The following TINAG variants were observed in gnomAD, a reference collection of about 807,000 sequenced individuals.
The protein encoded by TINAG is tubulointerstitial nephritis antigen.
Under a neutral mutation model 72.7 loss-of-function variants are expected in TINAG, and 83 were observed. The observed-to-expected ratio is 1.14, with a 90% CI of 0.96 to 1.37. The LOEUF (loss-of-function observed/expected upper bound fraction) is 1.37, where lower values mean the gene tolerates loss of function less well. TINAG is among the 40% of genes most tolerant of loss of function. TINAG has a pLI of 0.00. For missense variants in TINAG, 685 were observed against 576.6 expected, an observed-to-expected ratio of 1.19 and a Z score of -1.93; for synonymous variants, 234 against 189.9, an observed-to-expected ratio of 1.23 and a Z score of -1.91.
At chr6:54,327,977 A>G (rs997192797) in intron 4 of TINAG, among the ~76,000 whole-genome samples, 1 of 152,158 alleles carries the variant, frequency 6.6e-6, no homozygotes, top group Non-Finnish European at 1.5e-5. Flanking sequence ...TCAGTGGCTT[A>G]TAGATAAAAC....
At chr6:54,378,154 A>G (rs1410880882) in intron 9 of TINAG, among the ~76,000 whole-genome samples, 4 of 152,160 alleles carry the variant, frequency 2.6e-5, no homozygotes, top group Non-Finnish European at 5.9e-5. Flanking sequence ...ACTGCACAAT[A>G]GCTTCTGTGG....
intron 4 of TINAG, among the ~76,000 whole-genome samples, chr6:54,330,979 C>T (rs927063112): frequency 7.9e-5 from 12 of 151,936 alleles, no homozygotes; most frequent in Admixed American, 1.3e-4. Context: ...GCCTACCAAC[C>T]AAAAAAGTCT....
intron 5 of TINAG, among the ~76,000 whole-genome samples, chr6:54,346,820 C>A (rs6934991): frequency 0.075 from 11,328 of 151,868 alleles, 1,036 homozygotes; most frequent in African/African-American, 0.21. Context: ...TAAGTATGGT[C>A]TCCTGGGTAG....
chr6:54,366,772 T>A (rs1244421955), intron 9 of TINAG, among the ~76,000 whole-genome samples: 1 of 151,556 alleles, frequency 6.6e-6, no homozygotes, highest in Non-Finnish European at 1.5e-5. Flanking sequence ...TGACACCTAC[T>A]GTGGAATGTA....
At position 54,324,876 on chromosome 6, in the gene TINAG, C is replaced by T. The variant is rs1424635127; in HGVS notation, c.510-1926C>T. Among the ~76,000 whole-genome samples the T allele has an allele frequency of 5.3e-5, 8 of 152,284 alleles. No homozygotes were observed. In the East Asian group the frequency reaches 1.5e-3, roughly 29 times the overall value. ...CTGTTTCCAGAAATTCTCAATGGTA[C>T]TCCATTGCTTGTGAAACATAAGTAT... is the stretch of plus-strand genomic sequence containing the variant. On this transcript the variant is annotated intron_variant, in intron 3 of 10. Coordinates refer to ENST00000259782, the MANE Select transcript of TINAG (RefSeq NM_014464.4).
chr6:54,339,082 T>C (rs768901788), intron 4 of TINAG, among the ~76,000 whole-genome samples: 2 of 152,212 alleles, frequency 1.3e-5, no homozygotes, highest in Non-Finnish European at 2.9e-5. Flanking sequence ...GAAATTGAGA[T>C]GCTTTCTTAC....
chr6:54,358,582 G>A (rs1483085322), intron 9 of TINAG, among the ~76,000 whole-genome samples: 3 of 151,430 alleles, frequency 2.0e-5, no homozygotes, highest in Admixed American at 2.0e-4. Flanking sequence ...AGATAGCTGA[G>A]GCACTCTTCA....
intron 10 of TINAG, among the ~76,000 whole-genome samples, chr6:54,382,171 T>G (rs1763971780): frequency 6.6e-6 from 1 of 152,110 alleles, no homozygotes; most frequent in Non-Finnish European, 1.5e-5. Flanking sequence ...TTCATGAGGC[T>G]AGGGGTAAGA....
intron 4 of TINAG, among the ~76,000 whole-genome samples, chr6:54,334,829 A>C (rs1784822602): frequency 6.6e-6 from 1 of 152,212 alleles, no homozygotes; most frequent in East Asian, 1.9e-4. Context: ...TAATCTCTCA[A>C]CCAAAGCTAA....
At chr6:54,335,824 T>A (rs1784852889) in intron 4 of TINAG, among the ~76,000 whole-genome samples, 1 of 152,138 alleles carries the variant, frequency 6.6e-6, no homozygotes, top group Non-Finnish European at 1.5e-5. Flanking sequence ...TTTTAAAAAA[T>A]CATTTTCAAT....
intron 4 of TINAG, among the ~76,000 whole-genome samples, chr6:54,338,106 T>C (rs1784910222): frequency 6.6e-6 from 1 of 152,196 alleles, no homozygotes; most frequent in Non-Finnish European, 1.5e-5. Context: ...CTTATTCACC[T>C]ACACTTTTAG....
intron 4 of TINAG, among the ~76,000 whole-genome samples, chr6:54,338,427 A>C (rs1204901007): frequency 1.3e-5 from 2 of 152,148 alleles, no homozygotes; most frequent in Non-Finnish European, 2.9e-5. Flanking sequence ...TATGTTCCAT[A>C]AAACACTAGT....
Position 54,390,123 on chromosome 6 carries a change from C to G in TINAG, c.*198C>G, listed in dbSNP as rs1319783049. 4 of 649,278 alleles carry G rather than the reference C, an allele frequency of 6.2e-6. No homozygotes were observed. Among genetic ancestry groups the G allele is most frequent in the Non-Finnish European group, 9.6e-6 (4 of 416,682 alleles). 40.2% of individuals were successfully genotyped at this position (649,278 alleles called of 1,614,324 possible). On this transcript the variant is annotated 3_prime_UTR_variant, in exon 11 of 11. Transcript: ENST00000259782. ...GAGCATTAACAACACCAATAAAGGA[C>G]AGCAGAGTCCCTAAATGTCTTTAAA...
intron 3 of TINAG, among the ~76,000 whole-genome samples, chr6:54,326,449 A>G (rs552252722): frequency 2.0e-5 from 3 of 152,056 alleles, no homozygotes; most frequent in Non-Finnish European, 2.9e-5. Flanking sequence ...TATTTAATGT[A>G]TAAGTGCATT....
chr6:54,364,563 A>G (rs984985331), intron 9 of TINAG, among the ~76,000 whole-genome samples: 20 of 151,392 alleles, frequency 1.3e-4, no homozygotes, highest in African/African-American at 3.9e-4. Flanking sequence ...TTCTGATCTC[A>G]GTGATTTTAG....
chr6:54,327,937 G>T (rs892990282), intron 4 of TINAG, among the ~76,000 whole-genome samples: 1 of 152,148 alleles, frequency 6.6e-6, no homozygotes, highest in Non-Finnish European at 1.5e-5. Flanking sequence ...TCTGGGCAGG[G>T]CATCTTTGAA....
chr6:54,308,427 G>A, upstream of TINAG: 1 of 750,248 alleles, frequency 1.3e-6, no homozygotes, highest in Non-Finnish European at 2.1e-6. Context: ...TTCAAGTAAA[G>A]GATCAGTTTC....
At chr6:54,323,748 G>A (rs1013576350) in intron 3 of TINAG, among the ~76,000 whole-genome samples, 3 of 152,188 alleles carry the variant, frequency 2.0e-5, no homozygotes, top group Admixed American at 1.3e-4. Context: ...GAGGTCAGGA[G>A]TTTGAGACCA....
At chr6:54,370,193 A>G (rs9464064) in intron 9 of TINAG, among the ~76,000 whole-genome samples, 2,807 of 152,232 alleles carry the variant, frequency 0.018, 85 homozygotes, top group African/African-American at 0.064. Flanking sequence ...TGCTGTTATA[A>G]TTGCATGCTC....
Sources: allele counts gnomAD v4.1 joint callset (sites outside exome capture counted in the v4.1 genomes callset), GRCh38; gene constraint gnomAD v4.1.1; transcripts MANE v1.5; gene names NCBI Gene and HGNC (gene_info 2026-07-23, HGNC 2026-07-21).